EXOC6: variants seen among roughly 807,000 people sequenced by gnomAD.
The protein encoded by EXOC6 is exocyst complex component 6.
In EXOC6, 60 loss-of-function variants were observed where a neutral mutation model predicts 112.5. That is an observed-to-expected ratio of 0.53 (90% CI 0.43 to 0.66). EXOC6 has a LOEUF of 0.66. Ranked by LOEUF, EXOC6 falls within the 30% of genes least tolerant of loss-of-function variation. The probability of loss-of-function intolerance (pLI) is 0.00; values close to 1 mark genes in which losing one functional copy is unlikely to be tolerated. For missense variants in EXOC6, 855 were observed against 957.1 expected (o/e 0.89, Z 1.41); for synonymous variants, 295 against 308.0 (o/e 0.96, Z 0.44).
intron 1 of EXOC6, among the ~76,000 whole-genome samples, chr10:92,864,217 G>A (rs952293010): frequency 6.6e-6 from 1 of 152,170 alleles, no homozygotes; most frequent in East Asian, 1.9e-4. Flanking sequence ...CTTTCGTATT[G>A]TAGGCAGAGG....
chr10:92,988,770 G>T (rs1843109799), intron 18 of EXOC6, among the ~76,000 whole-genome samples: 1 of 148,624 alleles, frequency 6.7e-6, no homozygotes. Flanking sequence ...GATCACTGCT[G>T]ACATGACAAA....
At chr10:92,970,772 C>G (rs996917523) in intron 17 of EXOC6, among the ~76,000 whole-genome samples, 51 of 152,178 alleles carry the variant, frequency 3.4e-4, no homozygotes, top group African/African-American at 1.0e-3. Context: ...ACTGTGAAGC[C>G]AGGCATGCAA....
At chr10:92,844,877 A>G (rs1846993022), upstream of EXOC6, among the ~76,000 whole-genome samples, 1 of 152,174 alleles carries the variant, frequency 6.6e-6, no homozygotes, top group Non-Finnish European at 1.5e-5. Context: ...CTAGTAAGAG[A>G]TGAGTTGGAA....
intron 8 of EXOC6, among the ~76,000 whole-genome samples, chr10:92,924,735 T>A (rs1851615308): frequency 6.6e-6 from 1 of 152,212 alleles, no homozygotes; most frequent in Non-Finnish European, 1.5e-5. Context: ...GTTATGTGGA[T>A]GAATTGTATA....
In EXOC6 at chr10:92,928,327, ATTTTAT is replaced by A; in HGVS notation, c.889-8_889-3del. 1 of 1,567,864 alleles carries A rather than the reference ATTTTAT, an allele frequency of 6.4e-7. No homozygotes were observed. Among genetic ancestry groups the A allele is most frequent in the East Asian group, 2.3e-5 (1 of 44,402 alleles). On this transcript the variant is annotated splice_polypyrimidine_tract_variant and splice_region_variant and intron_variant, in intron 8 of 21. Transcript: ENST00000260762. ...ATGTGTATTTTTCATTACTCTGCTG[ATTTTAT>A]TTTAGGGTGACGAGGAAACATTTGA...
At chr10:92,868,996 T>G (rs1848315260) in intron 1 of EXOC6, among the ~76,000 whole-genome samples, 1 of 151,990 alleles carries the variant, frequency 6.6e-6, no homozygotes, top group South Asian at 2.1e-4. Context: ...CTGGCTTTTG[T>G]GCTGAGGGAT....
exon 1 of EXOC6, chr10:92,834,733 C>A: frequency 6.2e-7 from 1 of 1,602,102 alleles, no homozygotes; most frequent in Non-Finnish European, 8.5e-7. Context: ...AGGGGCCTGT[C>A]GAGCGATGTT....
At chr10:92,843,874 G>A (rs1846948252), upstream of EXOC6, among the ~76,000 whole-genome samples, 1 of 148,176 alleles carries the variant, frequency 6.7e-6, no homozygotes, top group African/African-American at 2.5e-5. Context: ...TGTAATCCCA[G>A]TTACTCGGGA....
chr10:92,846,453 C>T (rs185407069), upstream of EXOC6, among the ~76,000 whole-genome samples: 30 of 152,284 alleles, frequency 2.0e-4, no homozygotes, highest in East Asian at 5.4e-3. Context: ...CCTCCCAAAG[C>T]TCTGGGATTA....
intron 14 of EXOC6, 118 bp downstream of exon 14, chr10:92,948,497 C>T: frequency 3.3e-6 from 2 of 600,996 alleles, no homozygotes; most frequent in Non-Finnish European, 5.6e-6. Flanking sequence ...TGAGGGGCAA[C>T]TTTTTGTTGT....
At chr10:92,911,901 T>TTCTC (rs113097452) in intron 6 of EXOC6, among the ~76,000 whole-genome samples, 94 of 140,014 alleles carry the variant, frequency 6.7e-4, no homozygotes, top group South Asian at 1.4e-3. Flanking sequence ...TCTTGTGGGT[T>TTCTC]TCTCTCTCTC....
intron 9 of EXOC6, among the ~76,000 whole-genome samples, chr10:92,933,819 G>T (rs1852195991): frequency 6.6e-6 from 1 of 152,106 alleles, no homozygotes; most frequent in African/African-American, 2.4e-5. Flanking sequence ...TCTGGTAGGG[G>T]ACAGGCTGGA....
intron 19 of EXOC6, chr10:92,999,302 A>G: frequency 2.6e-6 from 1 of 388,642 alleles, no homozygotes; most frequent in Non-Finnish European, 5.0e-6. Flanking sequence ...GCCTCAAGTC[A>G]TCCTCCTGCC....
intron 18 of EXOC6, among the ~76,000 whole-genome samples, chr10:92,990,973 G>C (rs974133933): frequency 2.0e-5 from 3 of 152,090 alleles, no homozygotes; most frequent in Non-Finnish European, 2.9e-5. Context: ...GACCTACTTT[G>C]TGCTATCTTT....
chr10:92,841,185 T>C (rs182464887), intron 1 of EXOC6, among the ~76,000 whole-genome samples: 34 of 152,284 alleles, frequency 2.2e-4, no homozygotes, highest in Admixed American at 1.1e-3. Flanking sequence ...AAACTTTGAT[T>C]AACATCTTTG....
chr10:92,899,596 C>A lies in EXOC6; in HGVS notation c.413-3C>A. 1 of 1,575,718 alleles carries A rather than the reference C, an allele frequency of 6.3e-7. No individual in the cohort carries two copies. Among genetic ancestry groups the A allele is most frequent in the South Asian group, 1.2e-5 (1 of 83,820 alleles). On this transcript the variant is annotated splice_polypyrimidine_tract_variant and splice_region_variant and intron_variant, in intron 4 of 21. Coordinates refer to ENST00000260762, the MANE Select transcript of EXOC6 (RefSeq NM_019053.6). ...AGCTAAAATGTTATATTTTTTAATG[C>A]AGTGCTAGAAATGTACAGTAAGCTG...
upstream of EXOC6, among the ~76,000 whole-genome samples, chr10:92,833,319 G>C (rs1404781845): frequency 6.6e-6 from 1 of 152,252 alleles, no homozygotes; most frequent in East Asian, 1.9e-4. Flanking sequence ...CTGTGGACCA[G>C]TGGGGATGAC....
At chr10:92,896,119 A>ATGTGTGTGTGTGTGTGTG (rs1198813076) in intron 4 of EXOC6, among the ~76,000 whole-genome samples, 1 of 21,714 alleles carries the variant, frequency 4.6e-5, no homozygotes, top group African/African-American at 3.3e-4. Flanking sequence ...GTGTATATAT[A>ATGTGTGTGTGTGTGTGTG]TGTGTGTGTG....
intron 20 of EXOC6, among the ~76,000 whole-genome samples, chr10:93,032,533 C>T (rs949565344): frequency 6.6e-6 from 1 of 152,084 alleles, no homozygotes; most frequent in Non-Finnish European, 1.5e-5. Context: ...AGCTACACAC[C>T]ACTACTCCAG....
Sources: allele counts gnomAD v4.1 joint callset (sites outside exome capture counted in the v4.1 genomes callset), GRCh38; gene constraint gnomAD v4.1.1; transcripts MANE v1.5; gene names NCBI Gene and HGNC (gene_info 2026-07-23, HGNC 2026-07-21).